ESRRG: variants seen among roughly 807,000 people sequenced by gnomAD.
ESRRG encodes estrogen-related receptor gamma.
In ESRRG, 13 loss-of-function variants were observed where a neutral mutation model predicts 44.0. That is an observed-to-expected ratio of 0.30 (90% CI 0.19 to 0.47). ESRRG has a LOEUF of 0.47. Ranked by LOEUF, ESRRG falls within the 20% of genes least tolerant of loss-of-function variation. The pLI is 1.00. For synonymous variants in ESRRG, 215 were observed against 214.6 expected, an observed-to-expected ratio of 1.00 and a Z score of -0.02; for missense variants, 395 against 580.6, an observed-to-expected ratio of 0.68 and a Z score of 3.29.
At chr1:216,813,413 C>T (rs1167471925) in intron 2 of ESRRG, among the ~76,000 whole-genome samples, 1 of 152,070 alleles carries the variant, frequency 6.6e-6, no homozygotes. Context: ...TCTCGTTATA[C>T]TTGTAATATT....
At chr1:216,517,908 A>G (rs1168125779) in intron 6 of ESRRG, among the ~76,000 whole-genome samples, 1 of 152,210 alleles carries the variant, frequency 6.6e-6, no homozygotes, top group African/African-American at 2.4e-5. Context: ...TGCATTATGA[A>G]GACAAATAGG....
chr1:216,917,664 C>G (rs909248368), intron 2 of ESRRG, among the ~76,000 whole-genome samples: 4 of 152,120 alleles, frequency 2.6e-5, no homozygotes, highest in African/African-American at 9.7e-5. Flanking sequence ...TTCACGTTAG[C>G]CATCATAGAA....
chr1:216,855,369 AG>A (rs754617638), intron 2 of ESRRG, among the ~76,000 whole-genome samples: 4 of 152,136 alleles, frequency 2.6e-5, no homozygotes, highest in Non-Finnish European at 5.9e-5. Flanking sequence ...CTTTGGTGCC[AG>A]TCACTGGGAT....
At chr1:216,994,864 T>G (rs1431122292) in intron 1 of ESRRG, among the ~76,000 whole-genome samples, 1 of 152,090 alleles carries the variant, frequency 6.6e-6, no homozygotes, top group Non-Finnish European at 1.5e-5. Flanking sequence ...GGATTACAGG[T>G]GTGAGCCACC....
At chr1:216,704,013 A>G (rs574434927) in intron 1 of ESRRG, among the ~76,000 whole-genome samples, 2 of 152,330 alleles carry the variant, frequency 1.3e-5, no homozygotes, top group East Asian at 3.9e-4. Flanking sequence ...TTCTTGAAGT[A>G]AAAAGTATTG....
chr1:216,778,583 A>C (rs995259620), intron 2 of ESRRG, among the ~76,000 whole-genome samples: 3 of 151,928 alleles, frequency 2.0e-5, no homozygotes, highest in Non-Finnish European at 2.9e-5. Flanking sequence ...CAGAGGTCAG[A>C]AGTGGGCTCC....
rs1032732768 is a variant in ESRRG, at chr1:216,538,565, G to A, written c.863-19144C>T. Among the ~76,000 whole-genome samples the A allele has an allele frequency of 2.0e-5, 3 of 152,168 alleles. 1 individual carries two copies. The South Asian group carries it at 6.2e-4, about 32-fold the overall frequency. On this transcript the variant is annotated intron_variant, in intron 5 of 6. Transcript: ENST00000408911. ...CGGGCAGCTGAGTAATTCCTCCAGG[G>A]AAACGCAGGATAAGCCTGAGAAGCT...
intron 1 of ESRRG, among the ~76,000 whole-genome samples, chr1:216,690,592 T>C (rs1340350208): frequency 1.3e-5 from 2 of 152,144 alleles, no homozygotes; most frequent in African/African-American, 2.4e-5. Flanking sequence ...TATGTCTTGT[T>C]GTAAACTGTA....
chr1:216,555,111 T>C (rs1003882053), intron 5 of ESRRG, among the ~76,000 whole-genome samples: 1 of 152,188 alleles, frequency 6.6e-6, no homozygotes, highest in African/African-American at 2.4e-5. Context: ...TGGTGGTTAC[T>C]TATTCACTGA....
At position 216,504,362 on chromosome 1, in the gene ESRRG, ATGTGCC is replaced by A. The variant is rs2040854950; in HGVS notation, c.*2571_*2576del. The A allele has an allele frequency of 6.6e-6, 1 of 152,462 alleles. No individual in the cohort carries two copies. Among genetic ancestry groups the A allele is most frequent in the Non-Finnish European group, 1.5e-5 (1 of 67,964 alleles). 9.4% of individuals were successfully genotyped at this position (152,462 alleles called of 1,614,324 possible). On this transcript the variant is annotated 3_prime_UTR_variant, in exon 7 of 7. Transcript: ENST00000408911. ...ATTTTCTGTTGTTATTTTTAAAGGG[ATGTGCC>A]AATTTCTGAACTCCTATCACAGCTA...
Position 216,729,474 on chromosome 1 carries a change from G to A in ESRRG, c.-13-51983C>T, listed in dbSNP as rs138412905. Among the ~76,000 whole-genome samples the A allele has an allele frequency of 1.8e-3, 275 of 152,260 alleles. 2 individuals carry two copies. Among genetic ancestry groups the A allele is most frequent in the African/African-American group, 6.6e-3 (273 of 41,552 alleles). ...TTGGCCTCCATCTCTGACTAGGAGT[G>A]GGAGATACTGGATACAGAAAAGAAA... On this transcript the variant is annotated intron_variant, in intron 2 of 7. Coordinates refer to the ESRRG transcript ENST00000359162.
chr1:216,514,361 C>T (rs1440098993), intron 6 of ESRRG, among the ~76,000 whole-genome samples: 1 of 152,018 alleles, frequency 6.6e-6, no homozygotes, highest in Non-Finnish European at 1.5e-5. Flanking sequence ...GATAGTATTA[C>T]TTATGGTTTG....
intron 2 of ESRRG, among the ~76,000 whole-genome samples, chr1:216,766,719 C>T (rs2093097505): frequency 6.6e-6 from 1 of 152,014 alleles, no homozygotes. Flanking sequence ...GAAGTTACAC[C>T]AGAGACACTG....
chr1:216,837,710 G>T (rs1480161458), intron 2 of ESRRG, among the ~76,000 whole-genome samples: 2 of 152,146 alleles, frequency 1.3e-5, no homozygotes, highest in Non-Finnish European at 2.9e-5. Flanking sequence ...CACGAACCTT[G>T]ACCACAGCTT....
At chr1:216,967,154 C>T (rs2070588517) in intron 1 of ESRRG, among the ~76,000 whole-genome samples, 1 of 151,364 alleles carries the variant, frequency 6.6e-6, no homozygotes, top group South Asian at 2.1e-4. Flanking sequence ...ACCTACCCTC[C>T]ACATACACAG....
chr1:216,528,560 A>G (rs11572809), intron 5 of ESRRG, among the ~76,000 whole-genome samples: 5,413 of 152,292 alleles, frequency 0.036, 130 homozygotes, highest in Non-Finnish European at 0.059. Flanking sequence ...TGAAATACTA[A>G]CCTAGTGAAG....
At chr1:217,062,395 A>C (rs1401724102) in intron 1 of ESRRG, among the ~76,000 whole-genome samples, 1 of 152,166 alleles carries the variant, frequency 6.6e-6, no homozygotes, top group Non-Finnish European at 1.5e-5. Context: ...TTACAACAGC[A>C]GGACACATTT....
intron 3 of ESRRG, among the ~76,000 whole-genome samples, chr1:216,637,638 C>CATTT (rs771449973): frequency 5.9e-5 from 9 of 152,180 alleles, no homozygotes; most frequent in Non-Finnish European, 1.2e-4. Flanking sequence ...CTGGCTTTAC[C>CATTT]ATTTAATAGA....
At chr1:216,951,771 A>G (rs2067003384) in intron 1 of ESRRG, among the ~76,000 whole-genome samples, 1 of 150,952 alleles carries the variant, frequency 6.6e-6, no homozygotes, top group East Asian at 1.9e-4. Flanking sequence ...ACAGCAAAAA[A>G]TAAAAGCTTG....
Sources: gnomAD v4.1 joint callset for allele counts (sites outside exome capture counted in the v4.1 genomes callset) on GRCh38, gnomAD v4.1.1 for gene constraint, MANE v1.5 for transcripts, NCBI Gene and HGNC (gene_info 2026-07-23, HGNC 2026-07-21) for gene names.